Variants in MED12L observed in about 807,000 individuals in gnomAD.
MED12L encodes the protein mediator of RNA polymerase II transcription subunit 12-like protein.
MED12L carries 60 observed loss-of-function variants against 281.3 expected under a neutral mutation model. The ratio of observed to expected loss-of-function variants is 0.21; its 90% CI spans 0.17 to 0.26. The LOEUF is 0.26. Ranked by LOEUF, MED12L falls within the 10% of genes least tolerant of loss-of-function variation. The pLI, the probability that MED12L is intolerant of heterozygous loss-of-function variation, is 1.00. For missense variants in MED12L, 2,146 were observed against 2,680.9 expected, an observed-to-expected ratio of 0.80 and a Z score of 4.41; for synonymous variants, 974 against 987.2, an observed-to-expected ratio of 0.99 and a Z score of 0.25.
chr3:151,139,730 A>T (rs1366787143), intron 5 of MED12L, among the ~76,000 whole-genome samples: 2 of 152,328 alleles, frequency 1.3e-5, no homozygotes, highest in East Asian at 1.9e-4. Flanking sequence ...TACAATCAGG[A>T]AGTAGGACTG....
intron 16 of MED12L, among the ~76,000 whole-genome samples, chr3:151,274,715 T>C (rs1038396542): frequency 3.9e-5 from 6 of 152,206 alleles, no homozygotes; most frequent in African/African-American, 1.4e-4. Flanking sequence ...TGTAATCTTA[T>C]AAGTTATAAT....
chr3:151,270,119 A>G (rs1740614216), intron 16 of MED12L: 1 of 242,754 alleles, frequency 4.1e-6, no homozygotes, highest in Admixed American at 5.3e-5. Context: ...AAGGGGGTGA[A>G]GGAGAAAATG....
intron 16 of MED12L, chr3:151,198,535 C>T (rs769184213): frequency 1.2e-6 from 2 of 1,613,808 alleles, no homozygotes; most frequent in African/African-American, 2.7e-5. Flanking sequence ...GGTGATAGTA[C>T]AGGATAGGAT....
intron 11 of MED12L, among the ~76,000 whole-genome samples, chr3:151,168,024 T>TG (rs2148991673): frequency 6.6e-6 from 1 of 152,326 alleles, no homozygotes; most frequent in African/African-American, 2.4e-5. Context: ...TCAGAGTGTA[T>TG]GCACTGGCTA....
intron 16 of MED12L, among the ~76,000 whole-genome samples, chr3:151,271,620 T>G (rs1354497340): frequency 6.6e-6 from 1 of 152,132 alleles, no homozygotes; most frequent in Non-Finnish European, 1.5e-5. Context: ...ATCAACAGAT[T>G]AAAATGGGTA....
At chr3:151,398,307 A>G (rs1325033359) in intron 39 of MED12L, among the ~76,000 whole-genome samples, 1 of 152,214 alleles carries the variant, frequency 6.6e-6, no homozygotes, top group Non-Finnish European at 1.5e-5. Context: ...GGATATATCT[A>G]AGACCTCACA....
intron 39 of MED12L, among the ~76,000 whole-genome samples, chr3:151,397,026 C>T (rs527681039): frequency 3.3e-5 from 5 of 152,226 alleles, no homozygotes; most frequent in Admixed American, 6.5e-5. Flanking sequence ...TTTGTACCAC[C>T]GACAGTTGTA....
rs988122375 is a variant in MED12L at position 151,165,252 on chromosome 3, T to G, written c.1258-168T>G. Among the ~76,000 whole-genome samples the G allele has an allele frequency of 5.3e-5, 8 of 152,232 alleles. No individual in the cohort carries two copies. In the East Asian group the frequency reaches 1.2e-3, roughly 22 times the overall value. On this transcript the variant is annotated intron_variant, in intron 9 of 44. Transcript: ENST00000687756. ...TGAAAACTGACATTGAATTGCCCTT[T>G]GTAAATTTTAAAAATTCACTTATTG...
At chr3:151,171,657 G>T (rs1451559551) in intron 11 of MED12L, among the ~76,000 whole-genome samples, 2 of 152,220 alleles carry the variant, frequency 1.3e-5, no homozygotes, top group Admixed American at 1.3e-4. Context: ...TTGAAAGGTT[G>T]TGATGAGTTC....
chr3:151,279,349 A>G (rs1189004625), intron 16 of MED12L, among the ~76,000 whole-genome samples: 1 of 152,214 alleles, frequency 6.6e-6, no homozygotes, highest in African/African-American at 2.4e-5. Flanking sequence ...TTACTATTCT[A>G]GTTGCTTTAT....
chr3:151,282,744 C>T (rs1015616027), intron 16 of MED12L, among the ~76,000 whole-genome samples: 2 of 152,050 alleles, frequency 1.3e-5, no homozygotes, highest in Non-Finnish European at 2.9e-5. Context: ...CGCGTAATGT[C>T]GGGGATCCAA....
intron 16 of MED12L, chr3:151,327,746 AAAAG>A (rs1408692730): frequency 1.9e-5 from 6 of 319,078 alleles, no homozygotes; most frequent in Non-Finnish European, 3.4e-5. Context: ...AAAAAAAAAA[AAAAG>A]AAAGAAAGAA....
At chr3:151,272,606 G>A (rs1287006267) in intron 16 of MED12L, among the ~76,000 whole-genome samples, 5 of 152,188 alleles carry the variant, frequency 3.3e-5, no homozygotes, top group Non-Finnish European at 7.3e-5. Flanking sequence ...GGGAAAGGTT[G>A]TTTGTCCTCT....
chr3:151,380,334 T>G (rs1048876217), intron 32 of MED12L, 110 bp downstream of exon 32: 1 of 710,204 alleles, frequency 1.4e-6, no homozygotes, highest in Non-Finnish European at 2.2e-6. Context: ...TGGTGGCTCA[T>G]GCCTGTAATC....
intron 16 of MED12L, among the ~76,000 whole-genome samples, chr3:151,206,311 T>C: frequency 6.6e-6 from 1 of 152,114 alleles, no homozygotes; most frequent in Admixed American, 6.6e-5. Context: ...GGAAATGATT[T>C]GAAGGCAAAT....
Position 151,145,444 on chromosome 3 carries a change from C to G in MED12L, c.557-10717C>G, listed in dbSNP as rs980162084. Among the ~76,000 whole-genome samples, 6 of 152,310 alleles carry G rather than the reference C, an allele frequency of 3.9e-5. No homozygotes were observed. The South Asian group carries it at 6.2e-4, about 16-fold the overall frequency. On this transcript the variant is annotated intron_variant, in intron 5 of 44. Coordinates refer to ENST00000687756, the MANE Select transcript of MED12L (RefSeq NM_001393769.1). ...TCTTTCCCCTGACCCTTCTGAGTAT[C>G]AGACTTGCATATCCACCTGCTCCTT...
At chr3:151,086,447 GCACTTCAGCCACCAGCCTAGGCGC>G (rs1230408652) in intron 1 of MED12L, 1 of 152,248 alleles carries the variant, frequency 6.6e-6, no homozygotes, top group East Asian at 1.9e-4. Context: ...CCTTGGGCGA[GCACTTCAGCCACCAGCCTAGGCGC>G]CAAGAAAAGT....
intron 2 of MED12L, among the ~76,000 whole-genome samples, chr3:151,112,710 C>G (rs571549935): frequency 3.9e-5 from 6 of 152,084 alleles, no homozygotes; most frequent in Non-Finnish European, 8.8e-5. Context: ...CTAGGGAAAT[C>G]GATGTTATAA....
At chr3:151,127,790 G>C (rs755829594) in intron 4 of MED12L, 35 bp from the exon 5 acceptor site, 20 of 1,478,388 alleles carry the variant, frequency 1.4e-5, no homozygotes, top group Admixed American at 1.8e-5. Flanking sequence ...CACAGTACGT[G>C]ATTATTATAA....
Sources: gnomAD v4.1 joint callset for allele counts (sites outside exome capture counted in the v4.1 genomes callset) on GRCh38, gnomAD v4.1.1 for gene constraint, MANE v1.5 for transcripts, NCBI Gene and HGNC (gene_info 2026-07-23, HGNC 2026-07-21) for gene names.